The following TFEB variants were observed in gnomAD, a reference collection of about 807,000 sequenced individuals.
TFEB encodes T-cell transcription factor EB.
A neutral mutation model predicts 48.0 loss-of-function variants in TFEB; 12 were observed. The ratio of observed to expected loss-of-function variants is 0.25; its 90% CI spans 0.16 to 0.40. TFEB has a LOEUF of 0.40. Among genes scored for constraint, TFEB ranks in the 10% least tolerant of loss-of-function variants. TFEB has a pLI of 1.00. For synonymous variants in TFEB, 244 were observed against 261.4 expected (o/e 0.93, Z 0.64); for missense variants, 509 against 640.3 (o/e 0.79, Z 2.21).
chr6:41,716,905 G>A (rs1440687026), intron 1 of TFEB, among the ~76,000 whole-genome samples: 3 of 152,108 alleles, frequency 2.0e-5, no homozygotes, highest in East Asian at 3.9e-4. Context: ...GGAGCATTTC[G>A]AACCTAACTG....
At chr6:41,704,740 G>A (rs1039533456) in intron 1 of TFEB, among the ~76,000 whole-genome samples, 3 of 152,210 alleles carry the variant, frequency 2.0e-5, no homozygotes, top group African/African-American at 7.2e-5. Context: ...GCGGGTGGGA[G>A]AACACAGCAG....
chr6:41,722,139 C>A (rs1771009459), intron 1 of TFEB, among the ~76,000 whole-genome samples: 3 of 152,224 alleles, frequency 2.0e-5, no homozygotes, highest in Admixed American at 6.5e-5. Context: ...GCCACCATGC[C>A]CAGCTAATTT....
At chr6:41,727,353 G>T (rs1451910596) in intron 1 of TFEB, among the ~76,000 whole-genome samples, 1 of 152,180 alleles carries the variant, frequency 6.6e-6, no homozygotes, top group Non-Finnish European at 1.5e-5. Flanking sequence ...AGATGCTGTG[G>T]AACTAGATGG....
Position 41,723,889 on chromosome 6 carries a change from C to T in TFEB, c.-23+11461G>A, listed in dbSNP as rs1434752165. 2 of 508,698 alleles carry T rather than the reference C, an allele frequency of 3.9e-6. No homozygotes were observed. The highest frequency in any genetic ancestry group is 7.8e-6 in the Non-Finnish European group (2 of 255,458). The allele number at this position is 508,698 out of a possible 1,614,324, so 31.5% of individuals were successfully genotyped here. A position where few individuals can be genotyped will look rare whatever the true frequency, so the allele number is the denominator to read the frequency against. Reference sequence around the variant, plus strand: ...CAAGAATTTCGCCAGAGTCCCAATCCCACCAGGTCCAGGGTGGGCCTAACC... The same window carrying T: ...CAAGAATTTCGCCAGAGTCCCAATCTCACCAGGTCCAGGGTGGGCCTAACC... On this transcript the variant is annotated intron_variant, in intron 1 of 8. Transcript: ENST00000373033. The surrounding 1 kb of genome is among the most constrained non-coding windows in gnomAD (Gnocchi z 6.0).
intron 4 of TFEB, 47 bp from the exon 5 acceptor site, chr6:41,688,075 C>A: frequency 1.9e-6 from 3 of 1,579,386 alleles, no homozygotes; most frequent in Non-Finnish European, 2.6e-6. Flanking sequence ...CCCCTCTCCA[C>A]GGGGAGCCCC....
chr6:41,735,845 G>C (rs144801611), upstream of TFEB, among the ~76,000 whole-genome samples: 7 of 152,272 alleles, frequency 4.6e-5, no homozygotes, highest in Admixed American at 4.6e-4. Flanking sequence ...CCCAAACCAG[G>C]GCTCACTAAG....
chr6:41,736,092 A>T, upstream of TFEB: 2 of 1,610,864 alleles, frequency 1.2e-6, no homozygotes, highest in Non-Finnish European at 1.7e-6. Context: ...GTAAAATATG[A>T]CAGTAGAAGG....
chr6:41,708,772 G>A (rs1770352038), intron 1 of TFEB, among the ~76,000 whole-genome samples: 1 of 152,314 alleles, frequency 6.6e-6, no homozygotes, highest in East Asian at 1.9e-4. Context: ...CCAATAAAAG[G>A]GTCAGAGTAA....
intron 1 of TFEB, among the ~76,000 whole-genome samples, chr6:41,706,836 G>C (rs991734316): frequency 6.6e-6 from 1 of 150,934 alleles, no homozygotes; most frequent in African/African-American, 2.4e-5. Flanking sequence ...CCCACACCCA[G>C]GTATGAAAGG....
Position 41,684,491 on chromosome 6 carries a change from C to T in TFEB, c.*108G>A, listed in dbSNP as rs1581864787. On this transcript the variant is annotated 3_prime_UTR_variant, in exon 9 of 9. Transcript: ENST00000373033. ...GCCAACGGGGAGGAGGGAGGCAGGG[C>T]AGGTGGCTACTTCACACACAGTGCA... The T allele has an allele frequency of 7.5e-7, 1 of 1,330,790 alleles. No homozygotes were observed. The highest frequency in any genetic ancestry group is 2.8e-4 in the Middle Eastern group (1 of 3,584). The allele number at this position is 1,330,790 out of a possible 1,614,324, so 82.4% of individuals were successfully genotyped here.
chr6:41,688,421 G>A (rs111267533), intron 4 of TFEB, among the ~76,000 whole-genome samples: 102 of 152,104 alleles, frequency 6.7e-4, no homozygotes, highest in African/African-American at 2.3e-3. Context: ...CAGCCACCAG[G>A]GCACAAGCAG....
At chr6:41,700,440 T>C (rs1581897487) in intron 1 of TFEB, among the ~76,000 whole-genome samples, 1 of 132,938 alleles carries the variant, frequency 7.5e-6, no homozygotes, top group African/African-American at 2.9e-5. Flanking sequence ...CACTCCAGCC[T>C]GGGCGACAGA....
chr6:41,696,373 C>A (rs1215738295), intron 1 of TFEB, among the ~76,000 whole-genome samples: 1 of 152,110 alleles, frequency 6.6e-6, no homozygotes, highest in Non-Finnish European at 1.5e-5. Context: ...GGAAACCACC[C>A]AAATGTCCAC....
At position 41,684,412 on chromosome 6, in the gene TFEB, G is replaced by T; in HGVS notation, c.*187C>A. ...GCGCCAGTCAAGAGGGCTGCCCTGGGGGTGCTTCTCCTGACCCCACAGGCT... is the reference window on the plus strand; with the variant it reads ...GCGCCAGTCAAGAGGGCTGCCCTGGTGGTGCTTCTCCTGACCCCACAGGCT... On this transcript the variant is annotated 3_prime_UTR_variant, in exon 9 of 9. Coordinates refer to ENST00000373033, the MANE Select transcript of TFEB (RefSeq NM_001271944.2). 3.2e-6 allele frequency: 2 copies of T among 618,690 alleles called. No individual in the cohort carries two copies. The highest frequency in any genetic ancestry group is 5.0e-6 in the Non-Finnish European group (2 of 402,784). 38.3% of individuals were successfully genotyped at this position (618,690 alleles called of 1,614,324 possible).
intron 1 of TFEB, among the ~76,000 whole-genome samples, chr6:41,714,146 TGTGCATGTGCATGC>T (rs1770617159): frequency 6.7e-6 from 1 of 149,696 alleles, no homozygotes; most frequent in Admixed American, 6.7e-5. Flanking sequence ...TGTGCGTGTG[TGTGCATGTGCATGC>T]GTGTGCATGT....
chr6:41,709,087 C>G (rs770693513), intron 1 of TFEB, among the ~76,000 whole-genome samples: 1 of 152,232 alleles, frequency 6.6e-6, no homozygotes, highest in Non-Finnish European at 1.5e-5. Context: ...CTTCTGCCCC[C>G]AGGCTGCTCC....
chr6:41,685,149 C>T (rs1768932943), intron 8 of TFEB, 71 bp from the exon 9 acceptor site: 1 of 1,376,696 alleles, frequency 7.3e-7, no homozygotes, highest in Admixed American at 3.6e-5. Context: ...CTCCCCTGGG[C>T]CTCTATCACA....
chr6:41,732,507 T>C (rs1581942900), intron 1 of TFEB: 2 of 863,304 alleles, frequency 2.3e-6, no homozygotes, highest in East Asian at 1.2e-4. Context: ...ATTAATATAA[T>C]CTTGTTTTAT....
Position 41,713,498 on chromosome 6 carries a change from T to A in TFEB, c.-23+21852A>T, listed in dbSNP as rs12193710. Among the ~76,000 whole-genome samples the A allele has an allele frequency of 9.1e-3, 1,382 of 152,270 alleles. 7 individuals carry two copies. The highest frequency in any genetic ancestry group is 0.013 in the Non-Finnish European group (907 of 67,998). On this transcript the variant is annotated intron_variant, in intron 1 of 8. Coordinates refer to ENST00000373033, the MANE Select transcript of TFEB (RefSeq NM_001271944.2). ...CGGTCCCTACGCTGACTCACTCTTATAGCTGTAGGCATGGGCAGCCTACTC... is the reference window on the plus strand; with the variant it reads ...CGGTCCCTACGCTGACTCACTCTTAAAGCTGTAGGCATGGGCAGCCTACTC...
Sources: gnomAD v4.1 joint callset for allele counts (sites outside exome capture counted in the v4.1 genomes callset) on GRCh38, gnomAD v4.1.1 for gene constraint, Gnocchi (gnomAD v3.1) non-coding constraint, MANE v1.5 for transcripts, NCBI Gene and HGNC (gene_info 2026-07-23, HGNC 2026-07-21) for gene names.